AFAP1L2: variants seen among roughly 807,000 people sequenced by gnomAD.
AFAP1L2 encodes actin filament associated protein 1 like 2, also known as actin filament-associated protein 1-like 2.
A neutral mutation model predicts 99.3 loss-of-function variants in AFAP1L2; 46 were observed. The observed-to-expected ratio is 0.46, with a 90% CI of 0.37 to 0.59. The LOEUF (loss-of-function observed/expected upper bound fraction) is 0.59, where lower values mean the gene tolerates loss of function less well. Among genes scored for constraint, AFAP1L2 ranks in the 20% least tolerant of loss-of-function variants. AFAP1L2 has a pLI of 0.00. For missense variants in AFAP1L2, 959 were observed against 1,034.9 expected, an observed-to-expected ratio of 0.93 and a Z score of 1.01; for synonymous variants, 397 against 419.1, an observed-to-expected ratio of 0.95 and a Z score of 0.64.
intron 1 of AFAP1L2, among the ~76,000 whole-genome samples, chr10:114,351,557 G>A (rs927608574): frequency 6.6e-6 from 1 of 152,080 alleles, no homozygotes; most frequent in African/African-American, 2.4e-5. Flanking sequence ...CCACCACTCT[G>A]AGGTTGGAGT....
intron 1 of AFAP1L2, among the ~76,000 whole-genome samples, chr10:114,367,801 A>G (rs956227404): frequency 2.6e-5 from 4 of 152,170 alleles, no homozygotes; most frequent in Admixed American, 6.5e-5. Context: ...TGCAACATCA[A>G]CAGCAGCCGC....
chr10:114,373,898 C>T (rs2054465816), intron 1 of AFAP1L2, among the ~76,000 whole-genome samples: 2 of 152,150 alleles, frequency 1.3e-5, no homozygotes, highest in Admixed American at 6.5e-5. Context: ...CCTTCTCTGC[C>T]CATACAATCA....
At chr10:114,325,796 T>G in intron 4 of AFAP1L2, 166 of 1,150,838 alleles carry the variant, frequency 1.4e-4, no homozygotes, top group Middle Eastern at 3.7e-4. Context: ...GCCAGCAGCC[T>G]GAGAAAAGGC....
In AFAP1L2 at chr10:114,304,801, C is replaced by A; in HGVS notation, c.1202G>T (p.Cys401Phe). ...GGGGCTGGGGTCTGGGACCACCTCGCAGCCCACCAGGCTGAGGGGTTGCTG... is the reference window on the plus strand; with the variant it reads ...GGGGCTGGGGTCTGGGACCACCTCGAAGCCCACCAGGCTGAGGGGTTGCTG... ...VAQQPLSLVGCEVVPDPSPDH... is the reference protein window; with the variant it reads ...VAQQPLSLVGFEVVPDPSPDH... The change falls in exon 11 of 19, where the codon TGC (cysteine) becomes TTC (phenylalanine). Residue 401 changes from cysteine to phenylalanine, a missense_variant. Physicochemically the swap from Cys to Phe is radical, Grantham distance 205. Coordinates refer to ENST00000304129, the MANE Select transcript of AFAP1L2 (RefSeq NM_001001936.3). 3 of 1,613,266 alleles carry A rather than the reference C, an allele frequency of 1.9e-6. No individual in the cohort carries two copies. Among genetic ancestry groups the A allele is most frequent in the Non-Finnish European group, 2.5e-6 (3 of 1,180,010 alleles).
chr10:114,321,054 A>G (rs978840255), intron 5 of AFAP1L2, among the ~76,000 whole-genome samples: 1 of 152,204 alleles, frequency 6.6e-6, no homozygotes, highest in Non-Finnish European at 1.5e-5. Flanking sequence ...GTGGCAGGTA[A>G]GTGTGAAGGA....
At chr10:114,384,687 A>G (rs558862339) in intron 1 of AFAP1L2, among the ~76,000 whole-genome samples, 123 of 152,368 alleles carry the variant, frequency 8.1e-4, no homozygotes, top group Non-Finnish European at 1.7e-3. Flanking sequence ...GCCCAGCAGC[A>G]CCGGTTAAAC....
chr10:114,373,583 C>T (rs767440456), intron 1 of AFAP1L2, among the ~76,000 whole-genome samples: 3 of 152,152 alleles, frequency 2.0e-5, no homozygotes, highest in Non-Finnish European at 4.4e-5. Context: ...GGGGATTGTG[C>T]TATTGCACTC....
intron 4 of AFAP1L2, among the ~76,000 whole-genome samples, chr10:114,325,042 C>T (rs564789183): frequency 6.6e-6 from 1 of 152,130 alleles, no homozygotes; most frequent in African/African-American, 2.4e-5. Flanking sequence ...AGAGCCCAGT[C>T]CTGTGTGGTT....
At chr10:114,319,630 A>G (rs1297012755) in intron 5 of AFAP1L2, 2 of 1,289,588 alleles carry the variant, frequency 1.6e-6, no homozygotes, top group East Asian at 5.5e-5. Flanking sequence ...AGTGGGGAGA[A>G]ATCCGCCAGA....
chr10:114,296,071 A>G lies in AFAP1L2; in HGVS notation c.2431-3T>C, dbSNP rs2040170661. ...CTTGCTCCTTTCTTCTCCCATTCCTAGGGTACCATTCAAATACCAGCACCC... is the reference window on the plus strand; with the variant it reads ...CTTGCTCCTTTCTTCTCCCATTCCTGGGGTACCATTCAAATACCAGCACCC... On this transcript the variant is annotated splice_region_variant and splice_polypyrimidine_tract_variant and intron_variant, in intron 18 of 18. Coordinates refer to ENST00000304129, the MANE Select transcript of AFAP1L2 (RefSeq NM_001001936.3). The G allele has an allele frequency of 1.2e-6, 2 of 1,614,022 alleles. No individual in the cohort carries two copies. The highest frequency in any genetic ancestry group is 1.7e-6 in the Non-Finnish European group (2 of 1,180,002).
In AFAP1L2 at chr10:114,304,791, G is replaced by GACCA; in HGVS notation, c.1208_1211dup (p.Pro405GlyfsTer25). The GACCA allele has an allele frequency of 6.2e-7, 1 of 1,613,174 alleles. No homozygotes were observed. The highest frequency in any genetic ancestry group is 1.1e-5 in the South Asian group (1 of 91,062). On this transcript the variant is annotated frameshift_variant, in exon 11 of 19. Transcript: ENST00000304129. LOFTEE classifies it high-confidence loss of function. ...AGAGGTGGTCGGGGCTGGGGTCTGG[G>GACCA]ACCACCTCGCAGCCCACCAGGCTGA...
chr10:114,291,099 G>C, downstream of AFAP1L2: 1 of 1,200,950 alleles, frequency 8.3e-7, no homozygotes, highest in Non-Finnish European at 1.2e-6. Flanking sequence ...GGCATCTTCT[G>C]CTGGGGGCGA....
the AFAP1L2 span, chr10:114,284,817 CCT>C: frequency 1.3e-6 from 2 of 1,546,454 alleles, no homozygotes; most frequent in African/African-American, 2.8e-5. Flanking sequence ...CCTCTCCACT[CCT>C]CTGTGCTGCG....
intron 1 of AFAP1L2, among the ~76,000 whole-genome samples, chr10:114,375,663 C>T (rs571274044): frequency 1.3e-5 from 2 of 152,244 alleles, no homozygotes; most frequent in East Asian, 3.9e-4. Context: ...AGTTTTCCAA[C>T]TCATGCCCTA....
chr10:114,341,384 C>T (rs1419881376), intron 1 of AFAP1L2, among the ~76,000 whole-genome samples: 11 of 152,126 alleles, frequency 7.2e-5, no homozygotes, highest in Middle Eastern at 3.4e-3. Context: ...GAGGCTGAGG[C>T]GGGTGGATCA....
chr10:114,301,621 C>T (rs1164234009), intron 12 of AFAP1L2, 156 bp from the exon 13 acceptor site: 1 of 599,948 alleles, frequency 1.7e-6, no homozygotes, highest in Non-Finnish European at 3.0e-6. Context: ...TCTGAGGGCA[C>T]CTCCTCCCTC....
At chr10:114,314,462 G>A (rs1016198109) in intron 6 of AFAP1L2, among the ~76,000 whole-genome samples, 1 of 152,148 alleles carries the variant, frequency 6.6e-6, no homozygotes, top group Non-Finnish European at 1.5e-5. Context: ...GATCCATAAG[G>A]CACAAAAACT....
chr10:114,377,808 GGA>G lies in AFAP1L2; in HGVS notation c.16+26630_16+26631del, dbSNP rs2055008609. Among the ~76,000 whole-genome samples, 1 of 152,236 alleles carries G rather than the reference GGA, an allele frequency of 6.6e-6. No individual in the cohort carries two copies. Among genetic ancestry groups the G allele is most frequent in the Non-Finnish European group, 1.5e-5 (1 of 68,054 alleles). On this transcript the variant is annotated intron_variant, in intron 1 of 18. Coordinates refer to ENST00000304129, the MANE Select transcript of AFAP1L2 (RefSeq NM_001001936.3). The surrounding 1 kb of genome is among the most constrained non-coding windows in gnomAD (Gnocchi z 4.0). ...GGACCTGTTGGCCTGAGAGGCTTAA[GGA>G]GAGAGCATCACATAGTTGGTTCCAT...
At chr10:114,304,287 C>T (rs1193955905) in intron 11 of AFAP1L2, among the ~76,000 whole-genome samples, 8 of 152,208 alleles carry the variant, frequency 5.3e-5, no homozygotes, top group Non-Finnish European at 7.3e-5. Context: ...CGTAACATCA[C>T]ATCAAAGGGA....
Sources: allele counts gnomAD v4.1 joint callset (sites outside exome capture counted in the v4.1 genomes callset), GRCh38; gene constraint gnomAD v4.1.1; non-coding constraint Gnocchi (gnomAD v3.1); transcripts MANE v1.5; gene names NCBI Gene and HGNC (gene_info 2026-07-23, HGNC 2026-07-21).